CUBN: variants seen among roughly 807,000 people sequenced by gnomAD.
CUBN encodes 460 kDa receptor.
Under a neutral mutation model 405.3 loss-of-function variants are expected in CUBN, and 282 were observed. That is an observed-to-expected ratio of 0.70 (90% CI 0.63 to 0.77). The LOEUF (loss-of-function observed/expected upper bound fraction) is 0.77, where lower values mean the gene tolerates loss of function less well. Ranked by LOEUF, CUBN falls within the 30% of genes least tolerant of loss-of-function variation. CUBN has a pLI of 0.00. For missense variants in CUBN, 4,514 were observed against 4,475.2 expected (o/e 1.01, Z -0.25); for synonymous variants, 1,684 against 1,617.0 (o/e 1.04, Z -0.99).
Position 16,919,957 on chromosome 10 carries a change from A to G in CUBN, c.6821+6T>C. The stretch of plus-strand genomic sequence containing the variant: ...TAGGAAAAAAATGAAAATGGAAGTG[A>G]CATACTTGGGTGTTACTTCAATATC... On this transcript the variant is annotated splice_donor_region_variant and intron_variant, in intron 44 of 66. Transcript: ENST00000377833. 1 of 1,612,430 alleles carries G rather than the reference A, an allele frequency of 6.2e-7. No homozygotes were observed. The highest frequency in any genetic ancestry group is 8.5e-7 in the Non-Finnish European group (1 of 1,179,778).
At chr10:17,026,187 G>A (rs12146272) in intron 27 of CUBN, among the ~76,000 whole-genome samples, 1 of 152,120 alleles carries the variant, frequency 6.6e-6, no homozygotes, top group South Asian at 2.1e-4. Flanking sequence ...AGGATCTGTG[G>A]AGAGGCCTCA....
At position 16,831,258 on chromosome 10, in the gene CUBN, G is replaced by T. The variant is rs762706539; in HGVS notation, c.10522C>A (p.Pro3508Thr). Residue 3508 changes from proline (P) to threonine (T), a missense_variant, in exon 65 of 67, where the codon CCC becomes ACC. Pro to Thr is a conservative substitution (Grantham distance 38). Transcript: ENST00000377833. ...RGYEIIWTSS[P>T]SGCGGTLYGD... ...CAAAGTGCAAATGTCTTACCAGAGG[G>T]TGATGAAGTCCAGATGATTTCATAT... 2 of 1,613,938 alleles carry T rather than the reference G, an allele frequency of 1.2e-6. No individual in the cohort carries two copies. Among genetic ancestry groups the T allele is most frequent in the Non-Finnish European group, 8.5e-7 (1 of 1,179,836 alleles).
intron 27 of CUBN, among the ~76,000 whole-genome samples, chr10:17,029,497 G>A (rs1834743423): frequency 6.6e-6 from 1 of 152,098 alleles, no homozygotes; most frequent in Non-Finnish European, 1.5e-5. Context: ...AACTTTTTTT[G>A]AATCCAGGTA....
intron 56 of CUBN, among the ~76,000 whole-genome samples, chr10:16,886,548 G>A (rs1303940143): frequency 1.9e-5 from 2 of 104,392 alleles, no homozygotes; most frequent in Non-Finnish European, 5.3e-5. Context: ...TTTCCACTGT[G>A]TGAAAGCCTC....
At chr10:16,936,569 C>T (rs145893687) in intron 39 of CUBN, among the ~76,000 whole-genome samples, 1 of 152,094 alleles carries the variant, frequency 6.6e-6, no homozygotes, top group East Asian at 1.9e-4. Context: ...GTTCAGAGTT[C>T]GAATATTCTT....
intron 31 of CUBN, among the ~76,000 whole-genome samples, chr10:16,964,757 T>C (rs965995632): frequency 2.5e-4 from 38 of 152,366 alleles, no homozygotes; most frequent in African/African-American, 7.9e-4. Flanking sequence ...CCAGTTAATC[T>C]AGCCTCTTGC....
chr10:17,078,006 A>C (rs1169182013), intron 17 of CUBN, among the ~76,000 whole-genome samples: 1 of 152,090 alleles, frequency 6.6e-6, no homozygotes, highest in Non-Finnish European at 1.5e-5. Context: ...TTTTACCTAG[A>C]AGTGCCTTCC....
At chr10:17,112,107 T>C (rs1480195618) in intron 8 of CUBN, among the ~76,000 whole-genome samples, 3 of 152,210 alleles carry the variant, frequency 2.0e-5, no homozygotes, top group Non-Finnish European at 2.9e-5. Flanking sequence ...TGGTTCCCAT[T>C]GTATTCAATG....
chr10:17,103,034 T>C (rs1836533491), intron 13 of CUBN, 91 bp downstream of exon 13: 3 of 804,098 alleles, frequency 3.7e-6, no homozygotes, highest in East Asian at 2.7e-5. Flanking sequence ...TGAATTATCA[T>C]TGCATGTATT....
rs771284318 is a variant in CUBN, at chr10:17,127,859, T to G, written c.318A>C (p.Ile106=). The G allele has an allele frequency of 1.7e-5, 27 of 1,613,108 alleles. No homozygotes were observed. The South Asian group carries it at 2.3e-4, about 14-fold the overall frequency. Residue 106 remains isoleucine, a synonymous_variant, in exon 3 of 67, where the codon ATA becomes ATC. Transcript: ENST00000377833. ...KGSAIGLPQN[I]SSQIYQLNSK... ...AATTAAGCTGATAGATTTGACTAGA[T>G]ATATTTTGAGGCAGACCAATTGCAC...
intron 51 of CUBN, among the ~76,000 whole-genome samples, chr10:16,902,196 GTA>G (rs1486880987): frequency 7.9e-6 from 1 of 125,904 alleles, no homozygotes; most frequent in African/African-American, 3.1e-5. Flanking sequence ...TGTATATATA[GTA>G]TATATATTTA....
intron 29 of CUBN, among the ~76,000 whole-genome samples, chr10:16,989,181 A>G (rs986569327): frequency 2.6e-4 from 39 of 152,240 alleles, no homozygotes; most frequent in African/African-American, 8.9e-4. Context: ...CAGTCCCTAG[A>G]GCTGAGGTCA....
Position 16,840,403 on chromosome 10 carries a change from A to G in CUBN, c.9959T>C (p.Ile3320Thr), listed in dbSNP as rs1487929839. Residue 3320 changes from isoleucine to threonine, a missense_variant, in exon 62 of 67, where the codon ATA (isoleucine) becomes ACA (threonine). Physicochemically the swap from Ile to Thr is moderately conservative, Grantham distance 89 (BLOSUM62 -1). Around this residue, in one of 5 missense-constraint regions of CUBN, gnomAD observed 1,186 missense variants for 1,186.9 expected, o/e 1.00. Transcript: ENST00000377833. ...IDSPPHQQVK[I>T]TVWALQLTSQ... ...GGTCAGCTGTAATGCCCACACAGTT[A>G]TCTTGACCTGCTGATGCGGAGGGGA... 2 of 1,614,002 alleles carry G rather than the reference A, an allele frequency of 1.2e-6. No homozygotes were observed. Among genetic ancestry groups the G allele is most frequent in the Non-Finnish European group, 1.7e-6 (2 of 1,180,006 alleles).
At chr10:16,899,636 T>G (rs531542830) in intron 53 of CUBN, among the ~76,000 whole-genome samples, 90 of 152,336 alleles carry the variant, frequency 5.9e-4, no homozygotes, top group African/African-American at 2.0e-3. Context: ...GAAAATTCTT[T>G]TATTAAGCAA....
chr10:16,857,779 GA>G (rs1783494053), intron 59 of CUBN, among the ~76,000 whole-genome samples: 2 of 152,142 alleles, frequency 1.3e-5, no homozygotes, highest in African/African-American at 4.8e-5. Flanking sequence ...CAACGATATT[GA>G]TTTCACACCC....
At chr10:16,834,223 G>T (rs1405783440) in intron 64 of CUBN, among the ~76,000 whole-genome samples, 1 of 152,152 alleles carries the variant, frequency 6.6e-6, no homozygotes, top group Non-Finnish European at 1.5e-5. Context: ...TCCTGCCTAT[G>T]AGCGATGATG....
intron 66 of CUBN, among the ~76,000 whole-genome samples, 196 bp from the exon 67 acceptor site, chr10:16,825,278 G>A (rs750616037): frequency 6.6e-6 from 1 of 152,128 alleles, no homozygotes; most frequent in Non-Finnish European, 1.5e-5. Flanking sequence ...GGCGTGGGGA[G>A]TTGAGGGAAA....
chr10:16,974,593 G>C (rs948193109), intron 31 of CUBN, among the ~76,000 whole-genome samples: 3 of 152,134 alleles, frequency 2.0e-5, no homozygotes, highest in Admixed American at 6.5e-5. Flanking sequence ...GGATGGTCTC[G>C]ATCTCCTGAC....
intron 22 of CUBN, among the ~76,000 whole-genome samples, chr10:17,063,018 G>A (rs1835534041): frequency 6.6e-6 from 1 of 152,158 alleles, no homozygotes; most frequent in Non-Finnish European, 1.5e-5. Flanking sequence ...CTCTGACTCT[G>A]GCTGCCTTCT....
Sources: allele counts gnomAD v4.1 joint callset (sites outside exome capture counted in the v4.1 genomes callset), GRCh38; gene constraint gnomAD v4.1.1; regional missense constraint gnomAD v4.1.1; transcripts MANE v1.5; gene names NCBI Gene and HGNC (gene_info 2026-07-23, HGNC 2026-07-21).